KREMEN1: variants seen among roughly 807,000 people sequenced by gnomAD.
KREMEN1 encodes kremen protein 1.
KREMEN1 carries 30 observed loss-of-function variants against 46.5 expected under a neutral mutation model. That is an observed-to-expected ratio of 0.65 (90% CI 0.48 to 0.88). KREMEN1 has a LOEUF of 0.88. KREMEN1 is among the 40% of genes least tolerant of loss of function. The pLI, the probability that KREMEN1 is intolerant of heterozygous loss-of-function variation, is 0.00. For missense variants in KREMEN1, 533 were observed against 596.9 expected (o/e 0.89, Z 1.11); for synonymous variants, 214 against 230.6 (o/e 0.93, Z 0.65).
At chr22:29,120,485 G>A (rs1483677543) in intron 3 of KREMEN1, among the ~76,000 whole-genome samples, 13 of 134,842 alleles carry the variant, frequency 9.6e-5, no homozygotes, top group African/African-American at 2.9e-4. Flanking sequence ...AAACAGGGAG[G>A]AAGGAGAGGT....
intron 2 of KREMEN1, among the ~76,000 whole-genome samples, chr22:29,097,845 A>G (rs2145769275): frequency 6.6e-6 from 1 of 152,178 alleles, no homozygotes; most frequent in East Asian, 1.9e-4. Flanking sequence ...CAAAACATGG[A>G]ATTATGTCAT....
chr22:29,127,652 CA>C (rs913812333), intron 5 of KREMEN1, among the ~76,000 whole-genome samples: 30 of 140,240 alleles, frequency 2.1e-4, no homozygotes, highest in Admixed American at 2.9e-4. Context: ...GACTCCATCT[CA>C]AAAAAAAAAA....
chr22:29,107,624 T>A (rs1042157515), intron 3 of KREMEN1, among the ~76,000 whole-genome samples: 6 of 151,982 alleles, frequency 3.9e-5, no homozygotes, highest in Non-Finnish European at 8.8e-5. Context: ...TGGCTCATGC[T>A]TATAATCCCA....
At chr22:29,159,647 TAAATAAAC>T (rs1033834650) in intron 9 of KREMEN1, among the ~76,000 whole-genome samples, 16 of 41,742 alleles carry the variant, frequency 3.8e-4, no homozygotes, top group East Asian at 2.0e-3. Context: ...CAAAAATAAA[TAAATAAAC>T]AAACATTCAG....
chr22:29,144,278 G>T lies in KREMEN1; in HGVS notation c.*2166G>T. ...CCTGCCGCCCCTGGGAGGAAAGAGG[G>T]CCACACAGGAAGTGTCTGCAGGGAG... On this transcript the variant is annotated 3_prime_UTR_variant, in exon 9 of 9. Coordinates refer to ENST00000400335, the MANE Select transcript of KREMEN1 (RefSeq NM_001039570.3). 1.0e-6 allele frequency: 1 copy of T among 985,690 alleles called. No homozygotes were observed. Among genetic ancestry groups the T allele is most frequent in the Non-Finnish European group, 1.2e-6 (1 of 830,098 alleles). The allele number at this position is 985,690 out of a possible 1,614,324, so 61.1% of individuals were successfully genotyped here.
chr22:29,153,498 G>A (rs888408455), intron 9 of KREMEN1, among the ~76,000 whole-genome samples: 1 of 152,098 alleles, frequency 6.6e-6, no homozygotes, highest in Non-Finnish European at 1.5e-5. Flanking sequence ...ACAGGCGTGG[G>A]CTGCTACGTC....
At position 29,073,306 on chromosome 22, in the gene KREMEN1, C is replaced by T. The variant is rs998863330; in HGVS notation, c.97+79C>T. On this transcript the variant is annotated intron_variant, in intron 1 of 8. Coordinates refer to ENST00000400335, the MANE Select transcript of KREMEN1 (RefSeq NM_001039570.3). This position sits in a 1 kb window ranked among gnomAD's most constrained non-coding sequence, Gnocchi z 4.4. ...CGACAAGGGCCGGCCGGCCTGAGAG[C>T]CCCCTCCCTCCCGCTTCAGGACCTT... is the stretch of plus-strand genomic sequence containing the variant. The T allele has an allele frequency of 8.7e-6, 4 of 459,094 alleles. No homozygotes were observed. The highest frequency in any genetic ancestry group is 6.3e-5 in the African/African-American group (3 of 47,426). The allele number at this position is 459,094 out of a possible 1,614,324, so 28.4% of individuals were successfully genotyped here.
intron 8 of KREMEN1, among the ~76,000 whole-genome samples, chr22:29,140,717 C>G (rs138863119): frequency 9.2e-4 from 140 of 152,296 alleles, no homozygotes; most frequent in African/African-American, 3.2e-3. Context: ...TTCCTGATGC[C>G]TTCTAGAAAT....
rs936116326 is a variant in KREMEN1, at chr22:29,143,099, G to A, written c.*987G>A. ...CAGGAGGCTGAGATTGCAGTGAGCC[G>A]AGATCGCACCACTGCACTCCAGCCT... On this transcript the variant is annotated 3_prime_UTR_variant, in exon 9 of 9. Transcript: ENST00000400335. The A allele has an allele frequency of 2.0e-5, 14 of 714,138 alleles. No individual in the cohort carries two copies. Among genetic ancestry groups the A allele is most frequent in the Non-Finnish European group, 2.2e-5 (13 of 582,700 alleles). 44.2% of individuals were successfully genotyped at this position (714,138 alleles called of 1,614,324 possible).
chr22:29,084,606 A>G (rs1208848272), intron 1 of KREMEN1, among the ~76,000 whole-genome samples: 1 of 152,158 alleles, frequency 6.6e-6, no homozygotes, highest in Admixed American at 6.5e-5. Context: ...TACCCAAGCC[A>G]CTGCATTCTG....
intron 9 of KREMEN1, among the ~76,000 whole-genome samples, chr22:29,156,613 G>T (rs1306133661): frequency 1.3e-5 from 2 of 152,096 alleles, no homozygotes; most frequent in African/African-American, 4.8e-5. Flanking sequence ...TCTAAATGAG[G>T]TACTAGGAAC....
At chr22:29,163,474 T>A (rs1194451936) in intron 9 of KREMEN1, among the ~76,000 whole-genome samples, 1 of 151,678 alleles carries the variant, frequency 6.6e-6, no homozygotes, top group Non-Finnish European at 1.5e-5. Context: ...GCCTCCCGGG[T>A]TCAAACGATT....
chr22:29,080,531 C>T (rs192482974), intron 1 of KREMEN1, among the ~76,000 whole-genome samples: 8 of 152,314 alleles, frequency 5.3e-5, no homozygotes, highest in African/African-American at 1.9e-4. Flanking sequence ...GCGCTTCTGG[C>T]AGATGAAGGG....
At chr22:29,099,725 GT>G (rs1452457366) in intron 3 of KREMEN1, among the ~76,000 whole-genome samples, 1 of 151,424 alleles carries the variant, frequency 6.6e-6, no homozygotes, top group Non-Finnish European at 1.5e-5. Context: ...TAATTTTTGT[GT>G]TTTAGTAGAA....
In KREMEN1 at chr22:29,138,869, TG is replaced by T. The variant is rs745433988; in HGVS notation, c.1123+90del. 7 of 1,587,056 alleles carry T rather than the reference TG, an allele frequency of 4.4e-6. No homozygotes were observed. In the Middle Eastern group the frequency reaches 5.0e-4, roughly 113 times the overall value. Reference sequence around the variant, plus strand: ...TGACAGTTATAAAGACAAAAGCACTTGGGTGTTTCTTATTCAGAGGCAGGTT... The same window carrying T: ...TGACAGTTATAAAGACAAAAGCACTTGGTGTTTCTTATTCAGAGGCAGGTT... On this transcript the variant is annotated intron_variant, in intron 7 of 8. Coordinates refer to ENST00000400335, the MANE Select transcript of KREMEN1 (RefSeq NM_001039570.3).
In KREMEN1 at chr22:29,146,102, G is replaced by A. The variant is rs979739024; in HGVS notation, c.*3990G>A. 20 of 985,804 alleles carry A rather than the reference G, an allele frequency of 2.0e-5. No homozygotes were observed. The African/African-American group carries it at 3.5e-4, about 17-fold the overall frequency. The allele number at this position is 985,804 out of a possible 1,614,324, so 61.1% of individuals were successfully genotyped here. The stretch of plus-strand genomic sequence containing the variant: ...CAGGCCAGGTCTCCCACGGAGCCGG[G>A]CAGCTCCACACCCCACCACCTGGCA... On this transcript the variant is annotated 3_prime_UTR_variant, in exon 9 of 9. Coordinates refer to ENST00000400335, the MANE Select transcript of KREMEN1 (RefSeq NM_001039570.3).
chr22:29,083,602 CCGG>C (rs1412673704), intron 1 of KREMEN1, among the ~76,000 whole-genome samples: 1 of 152,132 alleles, frequency 6.6e-6, no homozygotes, highest in Admixed American at 6.5e-5. Context: ...GAGGCTGAGG[CCGG>C]CGGATCACTT....
intron 9 of KREMEN1, among the ~76,000 whole-genome samples, chr22:29,158,831 T>A (rs77063246): frequency 0.17 from 25,239 of 152,120 alleles, 2,198 homozygotes; most frequent in Non-Finnish European, 0.18. Context: ...ATTTTTTGTT[T>A]TGTTTTTGTT....
At chr22:29,096,139 C>A (rs1406762485) in intron 2 of KREMEN1, among the ~76,000 whole-genome samples, 1 of 151,884 alleles carries the variant, frequency 6.6e-6, no homozygotes, top group Admixed American at 6.6e-5. Flanking sequence ...TTAGTCCCAC[C>A]CCATTTTTTA....
Sources: gnomAD v4.1 joint callset for allele counts (sites outside exome capture counted in the v4.1 genomes callset) on GRCh38, gnomAD v4.1.1 for gene constraint, Gnocchi (gnomAD v3.1) non-coding constraint, MANE v1.5 for transcripts, NCBI Gene and HGNC (gene_info 2026-07-23, HGNC 2026-07-21) for gene names.